The following APBB2 variants were observed in gnomAD, a reference collection of about 807,000 sequenced individuals.
The protein encoded by APBB2 is Fe65-like 1.
APBB2 carries 38 observed loss-of-function variants against 82.5 expected under a neutral mutation model. That is an observed-to-expected ratio of 0.46 (90% CI 0.36 to 0.60). APBB2 has a LOEUF of 0.60. Ranked by LOEUF, APBB2 falls within the 20% of genes least tolerant of loss-of-function variation. APBB2 has a pLI of 0.00. For missense variants in APBB2, 772 were observed against 972.3 expected, an observed-to-expected ratio of 0.79 and a Z score of 2.74; for synonymous variants, 341 against 368.2, an observed-to-expected ratio of 0.93 and a Z score of 0.85.
intron 2 of APBB2, among the ~76,000 whole-genome samples, chr4:41,108,719 GGCA>G (rs1748123926): frequency 6.6e-6 from 1 of 152,198 alleles, no homozygotes; most frequent in Non-Finnish European, 1.5e-5. Context: ...CTGCATCAAG[GGCA>G]GTGTCTGACA....
chr4:41,130,536 A>G (rs1281004023), intron 2 of APBB2, among the ~76,000 whole-genome samples: 1 of 152,222 alleles, frequency 6.6e-6, no homozygotes, highest in Non-Finnish European at 1.5e-5. Flanking sequence ...CAGAACTTGC[A>G]ATCAGTCTTC....
intron 1 of APBB2, among the ~76,000 whole-genome samples, chr4:41,149,786 A>C (rs915504454): frequency 6.6e-6 from 1 of 152,056 alleles, no homozygotes; most frequent in Non-Finnish European, 1.5e-5. Flanking sequence ...CATGGGGGCA[A>C]GTTTTTCCCA....
chr4:41,062,900 C>G (rs978107938), intron 4 of APBB2, among the ~76,000 whole-genome samples: 10 of 152,160 alleles, frequency 6.6e-5, no homozygotes, highest in Admixed American at 6.6e-4. Context: ...CAGCACACAC[C>G]TCTGCAGCTC....
chr4:41,187,548 T>C (rs1773231280), intron 1 of APBB2, among the ~76,000 whole-genome samples: 1 of 152,206 alleles, frequency 6.6e-6, no homozygotes, highest in Non-Finnish European at 1.5e-5. Flanking sequence ...CAATTCATGT[T>C]ACCCTGGACG....
chr4:40,945,856 C>A (rs1459710610), intron 6 of APBB2, among the ~76,000 whole-genome samples: 1 of 152,218 alleles, frequency 6.6e-6, no homozygotes, highest in African/African-American at 2.4e-5. Context: ...GATCCGCCAA[C>A]CTTGGCCTCC....
At chr4:40,997,534 T>C (rs1286593080) in intron 6 of APBB2, among the ~76,000 whole-genome samples, 2 of 152,238 alleles carry the variant, frequency 1.3e-5, no homozygotes, top group Non-Finnish European at 2.9e-5. Context: ...CTCACAGTTA[T>C]CATTCTTCAA....
intron 2 of APBB2, among the ~76,000 whole-genome samples, chr4:41,121,194 AT>A (rs1697603294): frequency 6.6e-6 from 1 of 152,212 alleles, no homozygotes; most frequent in South Asian, 2.1e-4. Context: ...TGCTTACTGT[AT>A]TTTTCCTTCT....
chr4:41,057,303 T>C (rs535565112), intron 4 of APBB2, among the ~76,000 whole-genome samples: 1 of 152,090 alleles, frequency 6.6e-6, no homozygotes, highest in Admixed American at 6.6e-5. Context: ...ATACAAAAAT[T>C]AGCTGGGTGT....
At chr4:41,101,395 C>A (rs1230147619) in intron 2 of APBB2, among the ~76,000 whole-genome samples, 1 of 130,380 alleles carries the variant, frequency 7.7e-6, no homozygotes. Context: ...ACCCGGGAAG[C>A]GGAGCTTGCA....
At chr4:41,109,643 T>C (rs553196251) in intron 2 of APBB2, among the ~76,000 whole-genome samples, 1 of 152,276 alleles carries the variant, frequency 6.6e-6, no homozygotes, top group South Asian at 2.1e-4. Flanking sequence ...GCTAATTTTT[T>C]ATATTTTTGG....
chr4:40,905,158 G>C (rs886625013), intron 10 of APBB2, among the ~76,000 whole-genome samples: 1 of 152,112 alleles, frequency 6.6e-6, no homozygotes, highest in Non-Finnish European at 1.5e-5. Context: ...CAGGCACTAA[G>C]GGTTGATCCA....
intron 12 of APBB2, among the ~76,000 whole-genome samples, chr4:40,835,563 A>C (rs1753606363): frequency 6.6e-6 from 1 of 152,358 alleles, no homozygotes; most frequent in South Asian, 2.1e-4. Context: ...TGCCCTATGC[A>C]TATGCCCCAG....
chr4:41,167,096 T>C (rs759523924), intron 1 of APBB2, among the ~76,000 whole-genome samples: 14 of 152,156 alleles, frequency 9.2e-5, no homozygotes, highest in Non-Finnish European at 1.9e-4. Context: ...TCTTTGCATA[T>C]ACATAAAGGT....
chr4:41,209,993 A>C (rs1345226597), intron 1 of APBB2, among the ~76,000 whole-genome samples: 1 of 152,166 alleles, frequency 6.6e-6, no homozygotes, highest in African/African-American at 2.4e-5. Flanking sequence ...TCAGATCAAC[A>C]AGCAGTAGAT....
intron 1 of APBB2, among the ~76,000 whole-genome samples, chr4:41,195,216 T>C: frequency 6.6e-6 from 1 of 152,082 alleles, no homozygotes; most frequent in African/African-American, 2.4e-5. Context: ...CCAGTCCATA[T>C]CACCACTAGG....
intron 4 of APBB2, among the ~76,000 whole-genome samples, chr4:41,061,384 C>T (rs934134049): frequency 2.6e-5 from 4 of 152,184 alleles, no homozygotes; most frequent in Non-Finnish European, 5.9e-5. Flanking sequence ...CAGCCTACTA[C>T]ACACCGAGGC....
chr4:41,006,165 C>CT (rs1308663142), intron 6 of APBB2, among the ~76,000 whole-genome samples: 203 of 152,282 alleles, frequency 1.3e-3, no homozygotes, highest in Non-Finnish European at 2.2e-4. Flanking sequence ...TGAACAAACT[C>CT]TTTTCTTTCT....
intron 1 of APBB2, among the ~76,000 whole-genome samples, chr4:41,161,683 T>G (rs530121603): frequency 3.9e-4 from 59 of 152,260 alleles, no homozygotes; most frequent in African/African-American, 1.2e-3. Context: ...GCCAACTTCT[T>G]ATTTACTCAG....
At chr4:40,876,723 T>C (rs1437261296) in intron 12 of APBB2, among the ~76,000 whole-genome samples, 1 of 152,224 alleles carries the variant, frequency 6.6e-6, no homozygotes, top group Non-Finnish European at 1.5e-5. Flanking sequence ...TAAAAACTTG[T>C]ATTATTTTTC....
Sources: gnomAD v4.1 joint callset for allele counts (sites outside exome capture counted in the v4.1 genomes callset) on GRCh38, gnomAD v4.1.1 for gene constraint, MANE v1.5 for transcripts, NCBI Gene and HGNC (gene_info 2026-07-23, HGNC 2026-07-21) for gene names.